The following ZNF385D variants were observed in gnomAD, a reference collection of about 807,000 sequenced individuals.
The protein encoded by ZNF385D is zinc finger protein 385D, also known as zinc finger protein 659.
ZNF385D carries 15 observed loss-of-function variants against 35.8 expected under a neutral mutation model. The ratio of observed to expected loss-of-function variants is 0.42; its 90% CI spans 0.28 to 0.64. The LOEUF is 0.64. ZNF385D is among the 30% of genes least tolerant of loss of function. The pLI is 0.23. For synonymous variants in ZNF385D, 212 were observed against 186.8 expected (o/e 1.13, Z -1.10); for missense variants, 474 against 494.6 (o/e 0.96, Z 0.39).
At chr3:21,886,688 A>G (rs1427520690) in intron 3 of ZNF385D, among the ~76,000 whole-genome samples, 1 of 152,150 alleles carries the variant, frequency 6.6e-6, no homozygotes, top group African/African-American at 2.4e-5. Flanking sequence ...CAGCTGATAT[A>G]TATTTATGTG....
At chr3:21,815,568 T>C (rs2073110703) in intron 3 of ZNF385D, among the ~76,000 whole-genome samples, 1 of 152,074 alleles carries the variant, frequency 6.6e-6, no homozygotes, top group Admixed American at 6.5e-5. Flanking sequence ...ACAAATAAAC[T>C]AGCAAATCTA....
chr3:22,039,313 G>T (rs1258248578), intron 3 of ZNF385D, among the ~76,000 whole-genome samples: 1 of 150,616 alleles, frequency 6.6e-6, no homozygotes, highest in Admixed American at 6.6e-5. Context: ...GGGGCAGATG[G>T]CATGCTATTC....
chr3:22,050,049 G>A (rs1699248953), intron 3 of ZNF385D, among the ~76,000 whole-genome samples: 1 of 152,136 alleles, frequency 6.6e-6, no homozygotes, highest in African/African-American at 2.4e-5. Context: ...AGCAGTTTGA[G>A]AAGGATTGGT....
intron 2 of ZNF385D, among the ~76,000 whole-genome samples, chr3:22,272,171 C>T (rs1332577954): frequency 6.6e-6 from 1 of 152,006 alleles, no homozygotes; most frequent in Non-Finnish European, 1.5e-5. Flanking sequence ...AGGCAGCAAG[C>T]CAGTAATAAC....
At chr3:22,170,231 C>T (rs1694319587) in intron 2 of ZNF385D, among the ~76,000 whole-genome samples, 1 of 152,144 alleles carries the variant, frequency 6.6e-6, no homozygotes, top group South Asian at 2.1e-4. Context: ...ACAGCGTCCT[C>T]CTAGGTTCTG....
At chr3:21,879,916 C>A (rs1429913093) in intron 3 of ZNF385D, among the ~76,000 whole-genome samples, 3 of 151,906 alleles carry the variant, frequency 2.0e-5, no homozygotes, top group Non-Finnish European at 4.4e-5. Context: ...AGTGGGGGAA[C>A]AAACTCTTCT....
intron 3 of ZNF385D, among the ~76,000 whole-genome samples, chr3:22,018,724 G>C (rs1440669940): frequency 6.6e-6 from 1 of 151,870 alleles, no homozygotes; most frequent in African/African-American, 2.4e-5. Context: ...CTTGTGGATT[G>C]TTTTTAGCTT....
At chr3:21,498,812 G>A (rs898072545) in intron 4 of ZNF385D, among the ~76,000 whole-genome samples, 6 of 151,836 alleles carry the variant, frequency 4.0e-5, no homozygotes, top group Non-Finnish European at 5.9e-5. Context: ...GCGTGGTGGC[G>A]TGAGCCTGTG....
At chr3:22,259,903 A>G (rs555766921) in intron 2 of ZNF385D, among the ~76,000 whole-genome samples, 112 of 152,118 alleles carry the variant, frequency 7.4e-4, no homozygotes, top group Middle Eastern at 6.8e-3. Flanking sequence ...ACTCTCTGAA[A>G]GAGACCATCA....
intron 3 of ZNF385D, among the ~76,000 whole-genome samples, chr3:22,095,164 G>A (rs1036136498): frequency 2.7e-5 from 4 of 148,264 alleles, no homozygotes; most frequent in Admixed American, 6.8e-5. Context: ...AAAACTCCTG[G>A]CCTCAAGTAG....
intron 3 of ZNF385D, among the ~76,000 whole-genome samples, chr3:22,144,137 CAAAAGAAT>C (rs1704696608): frequency 6.6e-6 from 1 of 151,996 alleles, no homozygotes; most frequent in East Asian, 1.9e-4. Flanking sequence ...TTGACAACTA[CAAAAGAAT>C]TCAATTTTTA....
intron 4 of ZNF385D, among the ~76,000 whole-genome samples, chr3:21,502,541 C>T (rs1266655972): frequency 6.6e-6 from 1 of 152,102 alleles, no homozygotes; most frequent in Non-Finnish European, 1.5e-5. Context: ...ATAGAACCAG[C>T]CAAATATCAT....
At chr3:22,024,401 G>A (rs1411913166) in intron 3 of ZNF385D, among the ~76,000 whole-genome samples, 1 of 152,052 alleles carries the variant, frequency 6.6e-6, no homozygotes, top group African/African-American at 2.4e-5. Context: ...TTTGGTCCCA[G>A]GAGTGGTTCT....
At chr3:22,180,494 T>G (rs1026698474) in intron 2 of ZNF385D, among the ~76,000 whole-genome samples, 1 of 152,188 alleles carries the variant, frequency 6.6e-6, no homozygotes, top group Admixed American at 6.5e-5. Flanking sequence ...AAAGGGAATT[T>G]TAGACCAATA....
intron 2 of ZNF385D, among the ~76,000 whole-genome samples, chr3:22,329,856 C>T (rs1694854392): frequency 6.6e-6 from 1 of 152,020 alleles, no homozygotes; most frequent in Non-Finnish European, 1.5e-5. Flanking sequence ...ATTGAGATAG[C>T]TTTTTTTGAA....
chr3:21,621,598 T>G (rs560177343), intron 2 of ZNF385D, among the ~76,000 whole-genome samples: 6 of 120,618 alleles, frequency 5.0e-5, no homozygotes, highest in Admixed American at 8.5e-5. Context: ...CAGTGTAGTT[T>G]GCTTTATGCA....
At chr3:21,536,874 G>C (rs921162615) in intron 3 of ZNF385D, among the ~76,000 whole-genome samples, 1 of 151,878 alleles carries the variant, frequency 6.6e-6, no homozygotes, top group African/African-American at 2.4e-5. Flanking sequence ...CGCAGAAATC[G>C]GAGGGAAGAG....
intron 3 of ZNF385D, among the ~76,000 whole-genome samples, chr3:22,149,321 A>G (rs1705077062): frequency 6.6e-6 from 1 of 152,178 alleles, no homozygotes; most frequent in African/African-American, 2.4e-5. Context: ...GTAATTACAG[A>G]TAACACTTAT....
intron 3 of ZNF385D, among the ~76,000 whole-genome samples, chr3:21,536,947 C>G (rs2062048935): frequency 1.3e-5 from 2 of 151,606 alleles, no homozygotes; most frequent in Admixed American, 1.3e-4. Flanking sequence ...CTGGTGCACT[C>G]AAGGTATAGT....
Sources: gnomAD v4.1 joint callset for allele counts (sites outside exome capture counted in the v4.1 genomes callset) on GRCh38, gnomAD v4.1.1 for gene constraint, MANE v1.5 for transcripts, NCBI Gene and HGNC (gene_info 2026-07-23, HGNC 2026-07-21) for gene names.